Variants in PLCL1 observed in about 807,000 individuals in gnomAD.
PLCL1 encodes the protein inactive phospholipase C-like protein 1.
PLCL1 carries 41 observed loss-of-function variants against 84.4 expected under a neutral mutation model. The ratio of observed to expected loss-of-function variants is 0.49; its 90% confidence interval spans 0.38 to 0.63. The LOEUF (loss-of-function observed/expected upper bound fraction) is 0.63. Among genes scored for constraint, PLCL1 ranks in the 30% least tolerant of loss-of-function variants. The probability of loss-of-function intolerance (pLI) is 0.00; values close to 1 mark genes in which losing one functional copy is unlikely to be tolerated. For missense variants in PLCL1, 1,206 were observed against 1,367.8 expected, an observed-to-expected ratio of 0.88 and a Z score of 1.87; for synonymous variants, 490 against 488.3, an observed-to-expected ratio of 1.00 and a Z score of -0.05.
chr2:198,003,383 C>A (rs1690651534), intron 1 of PLCL1, among the ~76,000 whole-genome samples: 1 of 152,100 alleles, frequency 6.6e-6, no homozygotes, highest in Non-Finnish European at 1.5e-5. Flanking sequence ...CACTTATGAG[C>A]ATATTAGTGA....
At chr2:198,027,438 T>A (rs1691297427) in intron 1 of PLCL1, among the ~76,000 whole-genome samples, 1 of 152,180 alleles carries the variant, frequency 6.6e-6, no homozygotes, top group African/African-American at 2.4e-5. Context: ...TACAACATAT[T>A]GACTATAGTT....
intron 1 of PLCL1, among the ~76,000 whole-genome samples, chr2:197,827,557 G>A (rs1690958310): frequency 1.3e-5 from 2 of 151,764 alleles, no homozygotes; most frequent in Non-Finnish European, 2.9e-5. Flanking sequence ...TATAATCTAG[G>A]TGTTGTCAAC....
intron 1 of PLCL1, among the ~76,000 whole-genome samples, chr2:197,950,778 A>G (rs1320414769): frequency 2.0e-5 from 3 of 152,164 alleles, no homozygotes; most frequent in African/African-American, 7.2e-5. Context: ...TAAGATAGGA[A>G]TGTGGTTTAT....
At chr2:198,011,585 C>G (rs538946394) in intron 1 of PLCL1, among the ~76,000 whole-genome samples, 1 of 152,110 alleles carries the variant, frequency 6.6e-6, no homozygotes, top group South Asian at 2.1e-4. Flanking sequence ...GTGTGTTCTG[C>G]TGTTGTTGGA....
chr2:198,119,886 G>C (rs1034515372), intron 5 of PLCL1, among the ~76,000 whole-genome samples: 1 of 151,916 alleles, frequency 6.6e-6, no homozygotes, highest in Non-Finnish European at 1.5e-5. Context: ...AAGATGATGC[G>C]ACTAACTAGT....
Position 197,909,718 on chromosome 2 carries a change from C to T in PLCL1, c.240+104379C>T, listed in dbSNP as rs115599111. 3.5e-3 allele frequency among the ~76,000 whole-genome samples: 529 copies of T among 152,206 alleles called. 4 individuals are homozygous for T. The highest frequency in any genetic ancestry group is 0.012 in the African/African-American group (491 of 41,520). ...CTGGAATTCTGGAGAGTGGAGTTCT[C>T]TAGGGAAAAGTTGTGCTGGTAGCAG... On this transcript the variant is annotated intron_variant, in intron 1 of 5. Transcript: ENST00000428675.
chr2:198,035,012 C>G (rs1691523742), intron 1 of PLCL1, among the ~76,000 whole-genome samples: 2 of 152,068 alleles, frequency 1.3e-5, no homozygotes, highest in South Asian at 4.1e-4. Context: ...TCTATTTCTG[C>G]CCTTACTTGT....
rs1559099821 is a variant in PLCL1 at position 198,086,082 on chromosome 2, G to C, written c.2565G>C (p.Lys855Asn). The change falls in exon 2 of 6, where the codon AAG becomes AAC. Residue 855 changes from lysine to asparagine, a missense_variant. Coordinates refer to ENST00000428675, the MANE Select transcript of PLCL1 (RefSeq NM_006226.4). ...TAACTAATCGAAGTGGAGGAGGAAA[G>C]GCACAGAAGCGCAGTCTTTCAGTGA... is the stretch of plus-strand genomic sequence containing the variant. ...IAITNRSGGG[K>N]AQKRSLSVRM... is the part of the protein sequence containing the mutation. 2 of 1,613,986 alleles carry C rather than the reference G, an allele frequency of 1.2e-6. No homozygotes were observed. Among genetic ancestry groups the C allele is most frequent in the Non-Finnish European group, 1.7e-6 (2 of 1,180,014 alleles).
At chr2:197,873,129 T>C (rs2105706757) in intron 1 of PLCL1, among the ~76,000 whole-genome samples, 1 of 152,328 alleles carries the variant, frequency 6.6e-6, no homozygotes, top group East Asian at 1.9e-4. Context: ...TTGCTCATTT[T>C]TATAATATAA....
At chr2:197,930,662 C>G (rs181799853) in intron 1 of PLCL1, among the ~76,000 whole-genome samples, 47 of 152,108 alleles carry the variant, frequency 3.1e-4, no homozygotes, top group African/African-American at 1.1e-3. Flanking sequence ...ATTGGTCAGG[C>G]CTTCTGAGCT....
chr2:197,834,355 G>A (rs1466599275), intron 1 of PLCL1, among the ~76,000 whole-genome samples: 1 of 152,192 alleles, frequency 6.6e-6, no homozygotes, highest in Non-Finnish European at 1.5e-5. Context: ...TGTCATCAGA[G>A]TGAACAGGCA....
chr2:198,045,645 C>T (rs1691769276), intron 1 of PLCL1, among the ~76,000 whole-genome samples: 1 of 152,148 alleles, frequency 6.6e-6, no homozygotes, highest in Non-Finnish European at 1.5e-5. Flanking sequence ...AGGAGGAAGA[C>T]ATTCATGGAT....
At chr2:197,918,182 A>T (rs1688631574) in intron 1 of PLCL1, among the ~76,000 whole-genome samples, 2 of 152,210 alleles carry the variant, frequency 1.3e-5, no homozygotes, top group African/African-American at 4.8e-5. Flanking sequence ...CCAAACCCAT[A>T]ACCCCAGTCT....
At chr2:198,127,636 G>A (rs78235329) in intron 5 of PLCL1, among the ~76,000 whole-genome samples, 1,768 of 152,244 alleles carry the variant, frequency 0.012, 32 homozygotes, top group African/African-American at 0.04. Flanking sequence ...TACACAGGTT[G>A]GGGATACACC....
At chr2:197,845,802 A>G (rs1411105902) in intron 1 of PLCL1, among the ~76,000 whole-genome samples, 1 of 152,136 alleles carries the variant, frequency 6.6e-6, no homozygotes, top group Non-Finnish European at 1.5e-5. Context: ...TTAGATGAGA[A>G]TGTTGAGTTA....
chr2:197,850,221 TCTAA>T (rs1218512083), intron 1 of PLCL1, among the ~76,000 whole-genome samples: 5 of 152,340 alleles, frequency 3.3e-5, no homozygotes, highest in South Asian at 2.1e-4. Flanking sequence ...TTCTACCTGC[TCTAA>T]CTGTTTTGTT....
chr2:197,945,384 G>T (rs1181103576), intron 1 of PLCL1, among the ~76,000 whole-genome samples: 1 of 152,192 alleles, frequency 6.6e-6, no homozygotes, highest in African/African-American at 2.4e-5. Context: ...GGGGAGGTAG[G>T]TGAGGGTGGG....
intron 1 of PLCL1, among the ~76,000 whole-genome samples, chr2:197,885,203 T>C (rs563595748): frequency 6.6e-6 from 1 of 152,360 alleles, no homozygotes; most frequent in African/African-American, 2.4e-5. Flanking sequence ...ATTGGTTTTT[T>C]ATATTTTTAA....
chr2:197,819,362 G>A (rs1382907196), intron 1 of PLCL1, among the ~76,000 whole-genome samples: 3 of 152,054 alleles, frequency 2.0e-5, no homozygotes, highest in Non-Finnish European at 4.4e-5. Flanking sequence ...AAGTGAGCAA[G>A]ACTGAGTAAG....
Sources: allele counts gnomAD v4.1 joint callset (sites outside exome capture counted in the v4.1 genomes callset), GRCh38; gene constraint gnomAD v4.1.1; transcripts MANE v1.5; gene names NCBI Gene and HGNC (gene_info 2026-07-23, HGNC 2026-07-21).